The following C7orf57 variants were observed in gnomAD, a reference collection of about 807,000 sequenced individuals.
C7orf57 encodes the protein chromosome 7 open reading frame 57.
In C7orf57, 33 loss-of-function variants were observed where a neutral mutation model predicts 39.0. The ratio of observed to expected loss-of-function variants is 0.85; its 90% CI spans 0.64 to 1.13. The LOEUF (loss-of-function observed/expected upper bound fraction) is 1.13, where lower values mean the gene tolerates loss of function less well. Among genes scored for constraint, C7orf57 ranks in the 50% most tolerant of loss-of-function variants. The pLI, the probability that C7orf57 is intolerant of heterozygous loss-of-function variation, is 0.00. For missense variants in C7orf57, 346 were observed against 362.3 expected, an observed-to-expected ratio of 0.95 and a Z score of 0.37; for synonymous variants, 124 against 137.1, an observed-to-expected ratio of 0.90 and a Z score of 0.67.
chr7:48,036,681 T>C (rs1212298084), intron 2 of C7orf57, among the ~76,000 whole-genome samples: 1 of 152,234 alleles, frequency 6.6e-6, no homozygotes, highest in Admixed American at 6.5e-5. Flanking sequence ...TTCAACCCTA[T>C]ACAATTCTCA....
intron 5 of C7orf57, 27 bp from the exon 6 acceptor site, chr7:48,049,853 C>G: frequency 6.3e-7 from 1 of 1,590,066 alleles, no homozygotes; most frequent in Non-Finnish European, 8.6e-7. Flanking sequence ...TCCACTAACT[C>G]AAGGTTTTGT....
chr7:48,049,857 G>C (rs766032183), intron 5 of C7orf57, 23 bp from the exon 6 acceptor site: 1 of 1,597,124 alleles, frequency 6.3e-7, no homozygotes, highest in Admixed American at 1.7e-5. Flanking sequence ...CTAACTCAAG[G>C]TTTTGTGTGT....
intron 8 of C7orf57, among the ~76,000 whole-genome samples, chr7:48,059,019 G>A (rs146484759): frequency 2.0e-5 from 3 of 152,292 alleles, no homozygotes; most frequent in South Asian, 2.1e-4. Flanking sequence ...TGGAAGAATC[G>A]TCATGTGGAG....
intron 8 of C7orf57, among the ~76,000 whole-genome samples, chr7:48,055,720 T>A (rs1381888202): frequency 6.6e-6 from 1 of 152,206 alleles, no homozygotes; most frequent in Non-Finnish European, 1.5e-5. Context: ...ATACAGTATC[T>A]GTCTTTCTGT....
chr7:48,058,499 C>T (rs996308829), intron 8 of C7orf57, among the ~76,000 whole-genome samples: 2 of 152,128 alleles, frequency 1.3e-5, no homozygotes, highest in Non-Finnish European at 2.9e-5. Flanking sequence ...TATAATCCTT[C>T]ACAGTTGTCC....
chr7:48,049,980 A>G lies in C7orf57; in HGVS notation c.605+3A>G. The G allele has an allele frequency of 6.3e-7, 1 of 1,588,984 alleles. No individual in the cohort carries two copies. The highest frequency in any genetic ancestry group is 1.7e-4 in the Middle Eastern group (1 of 6,034). Reference sequence around the variant, plus strand: ...AGTAGACTCTCCTTCCCCCCCGTGTAAGTGCTTGAGCTACGCCCTCACTGT... The same window carrying G: ...AGTAGACTCTCCTTCCCCCCCGTGTGAGTGCTTGAGCTACGCCCTCACTGT... On this transcript the variant is annotated splice_donor_region_variant and intron_variant, in intron 6 of 8. Coordinates refer to ENST00000348904, the MANE Select transcript of C7orf57 (RefSeq NM_001100159.3).
intron 6 of C7orf57, among the ~76,000 whole-genome samples, chr7:48,052,120 C>T (rs1186495776): frequency 4.6e-5 from 7 of 151,674 alleles, no homozygotes; most frequent in South Asian, 2.1e-4. Context: ...ACTACAGGTG[C>T]GTGCCACCAT....
chr7:48,043,846 AGTGT>A (rs1485211460), intron 4 of C7orf57, among the ~76,000 whole-genome samples: 2 of 152,022 alleles, frequency 1.3e-5, no homozygotes, highest in Non-Finnish European at 2.9e-5. Flanking sequence ...ATTGCACTGT[AGTGT>A]TACCGGCGGG....
In C7orf57 at chr7:48,060,219, G is replaced by A. The variant is rs1228132974; in HGVS notation, c.842-7G>A. The A allele has an allele frequency of 6.6e-7, 1 of 1,521,692 alleles. No homozygotes were observed. The highest frequency in any genetic ancestry group is 2.4e-5 in the East Asian group (1 of 40,928). 94.3% of individuals were successfully genotyped at this position (1,521,692 alleles called of 1,614,324 possible). ...TTGTCTACTCATTTATTTACTTTGT[G>A]TTGCAGGCCCAGAAGAATCTGTATC... On this transcript the variant is annotated splice_region_variant and splice_polypyrimidine_tract_variant and intron_variant, in intron 8 of 8. Transcript: ENST00000348904.
chr7:48,044,685 C>G (rs191938748), intron 4 of C7orf57, among the ~76,000 whole-genome samples: 37 of 152,230 alleles, frequency 2.4e-4, no homozygotes, highest in Admixed American at 2.1e-3. Flanking sequence ...CCAAAGGGTT[C>G]TCATTAAAGA....
intron 2 of C7orf57, 57 bp from the exon 3 acceptor site, chr7:48,041,271 AGAGGCC>A: frequency 6.9e-7 from 1 of 1,447,194 alleles, no homozygotes. Flanking sequence ...ATACTCTGGT[AGAGGCC>A]TAGAGGCCAC....
At chr7:48,037,673 A>G (rs532892373) in intron 2 of C7orf57, among the ~76,000 whole-genome samples, 1 of 152,134 alleles carries the variant, frequency 6.6e-6, no homozygotes. Flanking sequence ...TAGGATAGTA[A>G]ATGACTGATA....
chr7:48,054,390 G>A, intron 7 of C7orf57, among the ~76,000 whole-genome samples: 1 of 147,706 alleles, frequency 6.8e-6, no homozygotes, highest in Middle Eastern at 3.3e-3. Context: ...CTCCAGCCTG[G>A]GCAACAAGAG....
In C7orf57 at chr7:48,035,711, G is replaced by T. The variant is rs1790331226; in HGVS notation, c.-102+81G>T. 6.8e-6 allele frequency: 4 copies of T among 588,506 alleles called. No individual in the cohort carries two copies. The highest frequency in any genetic ancestry group is 1.2e-5 in the Non-Finnish European group (4 of 331,152). 36.5% of individuals were successfully genotyped at this position (588,506 alleles called of 1,614,324 possible). A position where few individuals can be genotyped will look rare whatever the true frequency, so the allele number is the denominator to read the frequency against. On this transcript the variant is annotated intron_variant, in intron 1 of 8. Transcript: ENST00000348904. The surrounding 1 kb of genome is among the most constrained non-coding windows in gnomAD (Gnocchi z 4.0). ...GTCCACTGTGCGGAGCTCGCAGTGCGGGCAGTGCGCGCCGGGGCTGGAGGG... is the reference window on the plus strand; with the variant it reads ...GTCCACTGTGCGGAGCTCGCAGTGCTGGCAGTGCGCGCCGGGGCTGGAGGG...
At chr7:48,050,951 G>C (rs1790856210) in intron 6 of C7orf57, among the ~76,000 whole-genome samples, 1 of 152,128 alleles carries the variant, frequency 6.6e-6, no homozygotes, top group Non-Finnish European at 1.5e-5. Context: ...TGGAGGCTTA[G>C]AGAGAACAGG....
intron 2 of C7orf57, among the ~76,000 whole-genome samples, chr7:48,038,163 T>A (rs969952153): frequency 1.3e-5 from 2 of 152,242 alleles, no homozygotes; most frequent in Non-Finnish European, 2.9e-5. Context: ...TTCAGCTATT[T>A]AATGTCTTTT....
chr7:48,052,880 G>A lies in C7orf57; in HGVS notation c.786G>A (p.Arg262=), dbSNP rs746511612. 3 of 1,613,938 alleles carry A rather than the reference G, an allele frequency of 1.9e-6. No homozygotes were observed. Among genetic ancestry groups the A allele is most frequent in the East Asian group, 2.2e-5 (1 of 44,868 alleles). The change falls in exon 7 of 9, where the codon AGG becomes AGA. Residue 262 remains arginine, a synonymous_variant. Coordinates refer to ENST00000348904, the MANE Select transcript of C7orf57 (RefSeq NM_001100159.3). Reference sequence around the variant, plus strand: ...TGGAAGGTCCCCAGGATGCAGCCAGGCTCCAGGATGCAGAGGCTTCTGAAG... The same window carrying A: ...TGGAAGGTCCCCAGGATGCAGCCAGACTCCAGGATGCAGAGGCTTCTGAAG... The part of the protein sequence containing the change: ...RDLEGPQDAA[R]LQDAEASEGP...
At chr7:48,059,673 T>G (rs1791234688) in intron 8 of C7orf57, among the ~76,000 whole-genome samples, 1 of 152,230 alleles carries the variant, frequency 6.6e-6, no homozygotes, top group East Asian at 1.9e-4. Context: ...TTAATGTTTC[T>G]TTCCCTCCAT....
At chr7:48,048,862 C>A (rs370062560) in intron 5 of C7orf57, among the ~76,000 whole-genome samples, 68 of 152,258 alleles carry the variant, frequency 4.5e-4, no homozygotes, top group African/African-American at 1.2e-3. Context: ...TTAAAAAAAA[C>A]CGCCTAAATC....
Sources: allele counts gnomAD v4.1 joint callset (sites outside exome capture counted in the v4.1 genomes callset), GRCh38; gene constraint gnomAD v4.1.1; non-coding constraint Gnocchi (gnomAD v3.1); transcripts MANE v1.5; gene names NCBI Gene and HGNC (gene_info 2026-07-23, HGNC 2026-07-21).